SLC12A7: variants seen among roughly 807,000 people sequenced by gnomAD.
SLC12A7 encodes K-Cl cotransporter 4.
A neutral mutation model predicts 120.6 loss-of-function variants in SLC12A7; 100 were observed. The ratio of observed to expected loss-of-function variants is 0.83; its 90% CI spans 0.71 to 0.98. SLC12A7 has a LOEUF of 0.98. SLC12A7 is among the 50% of genes least tolerant of loss of function. The probability of loss-of-function intolerance (pLI) is 0.00; values close to 1 mark genes in which losing one functional copy is unlikely to be tolerated. For missense variants in SLC12A7, 1,373 were observed against 1,548.1 expected (o/e 0.89, Z 1.90); for synonymous variants, 760 against 678.0 (o/e 1.12, Z -1.88).
intron 17 of SLC12A7, among the ~76,000 whole-genome samples, chr5:1,069,193 G>A (rs549697566): frequency 6.6e-6 from 1 of 152,384 alleles, no homozygotes; most frequent in East Asian, 1.9e-4. Context: ...AACAGCCTGA[G>A]AAGGTGGCCA....
the SLC12A7 span, among the ~76,000 whole-genome samples, chr5:1,124,770 C>T: frequency 7.2e-5 from 11 of 152,174 alleles, no homozygotes; most frequent in Non-Finnish European, 1.2e-4. Context: ...AGCTAGCAAG[C>T]GAACACAGGG....
At chr5:1,053,305 G>A in intron 23 of SLC12A7, 44 bp downstream of exon 23, 2 of 1,595,406 alleles carry the variant, frequency 1.3e-6, no homozygotes, top group Non-Finnish European at 1.7e-6. Context: ...GAAGCCACCA[G>A]GGGGTGCCCG....
chr5:1,152,326 G>A, the SLC12A7 span, among the ~76,000 whole-genome samples: 8 of 152,328 alleles, frequency 5.3e-5, no homozygotes, highest in East Asian at 3.9e-4. Flanking sequence ...CTCTGCGGCC[G>A]GCCACCAACT....
At chr5:1,147,454 C>G in the SLC12A7 span, among the ~76,000 whole-genome samples, 2 of 151,928 alleles carry the variant, frequency 1.3e-5, no homozygotes, top group South Asian at 2.1e-4. Flanking sequence ...CCAGGAGTCC[C>G]CACACATTTG....
the SLC12A7 span, among the ~76,000 whole-genome samples, chr5:1,146,235 T>C: frequency 6.6e-6 from 1 of 152,174 alleles, no homozygotes; most frequent in South Asian, 2.1e-4. The surrounding 1 kb of genome is among the most constrained non-coding windows in gnomAD (Gnocchi z 6.5). Flanking sequence ...TGGGAGAGTC[T>C]CCAGGTCTGT....
At position 1,079,386 on chromosome 5, in the gene SLC12A7, C is replaced by T; in HGVS notation, c.1396+12G>A. ...GAGGCTGGAACCCTCGCCTGCACCC[C>T]TCCAAGGATACAGATGAAAGACGTC... On this transcript the variant is annotated intron_variant, in intron 10 of 23. Transcript: ENST00000264930. 6.2e-7 allele frequency: 1 copy of T among 1,606,472 alleles called. No homozygotes were observed. Among genetic ancestry groups the T allele is most frequent in the Non-Finnish European group, 8.5e-7 (1 of 1,174,178 alleles).
At chr5:1,154,359 A>G in the SLC12A7 span, among the ~76,000 whole-genome samples, 3 of 140,420 alleles carry the variant, frequency 2.1e-5, no homozygotes, top group African/African-American at 8.4e-5. Flanking sequence ...TCCGCAACAC[A>G]CACACACACA....
chr5:1,064,725 G>A lies in SLC12A7; in HGVS notation c.2438-473C>T, dbSNP rs561510105. ...GACGGTGAGGGGACAGCGAGGAGAC[G>A]GTGAAGGGACAGCGAGGGGACGGCG... On this transcript the variant is annotated intron_variant, in intron 18 of 23. Transcript: ENST00000264930. 2.0e-3 allele frequency among the ~76,000 whole-genome samples: 289 copies of A among 145,554 alleles called. 1 individual carries two copies. The highest frequency in any genetic ancestry group is 3.1e-3 in the Non-Finnish European group (207 of 65,922).
chr5:1,100,674 T>C (rs1741926943), intron 1 of SLC12A7, among the ~76,000 whole-genome samples: 1 of 152,238 alleles, frequency 6.6e-6, no homozygotes, highest in South Asian at 2.1e-4. Context: ...GCCTGTCCTC[T>C]GGGGTCTTCC....
intron 1 of SLC12A7, among the ~76,000 whole-genome samples, chr5:1,095,954 C>T (rs1347732562): frequency 2.6e-5 from 4 of 152,180 alleles, no homozygotes; most frequent in Admixed American, 6.5e-5. Flanking sequence ...GCCAGTGCCA[C>T]GGAGCAGCGG....
chr5:1,110,162 C>T lies in SLC12A7; in HGVS notation c.124+1706G>A, dbSNP rs867135568. Among the ~76,000 whole-genome samples the T allele has an allele frequency of 3.3e-5, 5 of 152,382 alleles. No homozygotes were observed. In the South Asian group the frequency reaches 1.0e-3, roughly 32 times the overall value. On this transcript the variant is annotated intron_variant, in intron 1 of 23. Coordinates refer to ENST00000264930, the MANE Select transcript of SLC12A7 (RefSeq NM_006598.3). ...GCCTGGCAGTGGCTGGGCACCGGGC[C>T]CTTTCTGTGGAAGTAGGAAGCGGGT...
intron 5 of SLC12A7, among the ~76,000 whole-genome samples, chr5:1,088,090 G>A (rs927906050): frequency 9.2e-5 from 14 of 152,138 alleles, no homozygotes; most frequent in African/African-American, 3.4e-4. Context: ...GGCAAGAGAC[G>A]GTCACCACGC....
the SLC12A7 span, among the ~76,000 whole-genome samples, chr5:1,148,484 C>T: frequency 3.3e-5 from 5 of 152,298 alleles, no homozygotes; most frequent in Non-Finnish European, 7.4e-5. Flanking sequence ...GTATTACAGG[C>T]GTGAGCCACC....
At position 1,052,245 on chromosome 5, in the gene SLC12A7, C is replaced by T. The variant is rs3810854; in HGVS notation, c.*115G>A. ...TAGGAAGCCCCATGGGCAGCTTGGG[C>T]GGCATCACTGGGGGACAGGTGTGTC... On this transcript the variant is annotated 3_prime_UTR_variant, in exon 24 of 24. Coordinates refer to ENST00000264930, the MANE Select transcript of SLC12A7 (RefSeq NM_006598.3). 451,572 of 870,066 alleles carry T rather than the reference C, an allele frequency of 0.52. 118,094 individuals carry two copies. Among genetic ancestry groups the T allele is most frequent in the East Asian group, 0.65 (26,627 of 41,218 alleles). 53.9% of individuals were successfully genotyped at this position (870,066 alleles called of 1,614,324 possible).
At chr5:1,083,178 G>T (rs1739407900) in intron 8 of SLC12A7, among the ~76,000 whole-genome samples, 1 of 149,610 alleles carries the variant, frequency 6.7e-6, no homozygotes, top group South Asian at 2.2e-4. Context: ...GGAAAGTCCG[G>T]GCTTCCTCTC....
At chr5:1,079,025 A>T (rs2150840626) in intron 10 of SLC12A7, among the ~76,000 whole-genome samples, 1 of 152,256 alleles carries the variant, frequency 6.6e-6, no homozygotes, top group East Asian at 1.9e-4. Flanking sequence ...CTTGACCGCC[A>T]GGGATTGGCA....
chr5:1,063,842 A>G lies in SLC12A7; in HGVS notation c.2739+2T>C. The stretch of plus-strand genomic sequence containing the variant: ...TCCTCCCCTCAAGCCCTCGGGACTC[A>G]CCATCTCCACCACCTCCACCTCGGC... On this transcript the variant is annotated splice_donor_variant, in intron 20 of 23. Coordinates refer to ENST00000264930, the MANE Select transcript of SLC12A7 (RefSeq NM_006598.3). LOFTEE classifies it high-confidence loss of function. The G allele has an allele frequency of 6.9e-7, 1 of 1,455,100 alleles. No homozygotes were observed. The highest frequency in any genetic ancestry group is 1.2e-5 in the South Asian group (1 of 83,972). The allele number at this position is 1,455,100 out of a possible 1,614,324, so 90.1% of individuals were successfully genotyped here. A position where few individuals can be genotyped will look rare whatever the true frequency, so the allele number is the denominator to read the frequency against.
At chr5:1,089,678 A>G (rs2150870971) in intron 3 of SLC12A7, among the ~76,000 whole-genome samples, 1 of 152,228 alleles carries the variant, frequency 6.6e-6, no homozygotes, top group South Asian at 2.1e-4. Context: ...AAAGGTTCAG[A>G]TATCCACGTG....
the SLC12A7 span, among the ~76,000 whole-genome samples, chr5:1,134,894 G>T: frequency 1.3e-5 from 2 of 152,124 alleles, no homozygotes; most frequent in African/African-American, 4.8e-5. Context: ...AGCACTTTGG[G>T]AGGCTGAGAT....
Sources: allele counts gnomAD v4.1 joint callset (sites outside exome capture counted in the v4.1 genomes callset), GRCh38; gene constraint gnomAD v4.1.1; non-coding constraint Gnocchi (gnomAD v3.1); transcripts MANE v1.5; gene names NCBI Gene and HGNC (gene_info 2026-07-23, HGNC 2026-07-21).